The following ZNF483 variants were observed in gnomAD, a reference collection of about 807,000 sequenced individuals.
The protein encoded by ZNF483 is zinc finger protein HIT-10.
ZNF483 carries 9 observed loss-of-function variants against 28.6 expected under a neutral mutation model. The observed-to-expected ratio is 0.32, with a 90% CI of 0.19 to 0.55. The LOEUF (loss-of-function observed/expected upper bound fraction) is 0.55, where lower values mean the gene tolerates loss of function less well. Among genes scored for constraint, ZNF483 ranks in the 20% least tolerant of loss-of-function variants. The pLI, the probability that ZNF483 is intolerant of heterozygous loss-of-function variation, is 0.93. For missense variants in ZNF483, 675 were observed against 871.7 expected (o/e 0.77, Z 2.84); for synonymous variants, 322 against 306.2 (o/e 1.05, Z -0.54).
rs1263521515 is a variant in ZNF483 at position 111,541,799 on chromosome 9, C to G, written c.864C>G (p.Asn288Lys). 3 of 1,613,966 alleles carry G rather than the reference C, an allele frequency of 1.9e-6. No individual in the cohort carries two copies. Among genetic ancestry groups the G allele is most frequent in the African/African-American group, 1.3e-5 (1 of 74,894 alleles). Residue 288 changes from asparagine to lysine, a missense_variant, in exon 6 of 6, where the codon AAC becomes AAG. Coordinates refer to ENST00000309235, the MANE Select transcript of ZNF483 (RefSeq NM_133464.5). The part of the protein sequence containing the change: ...QGNSKGRVAQ[N>K]KTLGSGSRGK... ...ATTCAAAAGGAAGAGTCGCACAAAA[C>G]AAAACTCTTGGGAGTGGCAGTAGGG...
intron 5 of ZNF483, chr9:111,570,323 C>T: frequency 6.9e-7 from 1 of 1,444,208 alleles, no homozygotes; most frequent in East Asian, 2.5e-5. Flanking sequence ...TGGTGCTTCT[C>T]CCCTTCCATT....
At chr9:111,572,756 CAAA>C (rs58101079) in intron 5 of ZNF483, among the ~76,000 whole-genome samples, 1 of 63,508 alleles carries the variant, frequency 1.6e-5, no homozygotes, top group Non-Finnish European at 2.8e-5. Context: ...GACCCTGTCT[CAAA>C]AAAAAAAAAA....
intron 4 of ZNF483, 143 bp from the exon 5 acceptor site, chr9:111,534,118 T>G (rs1372834669): frequency 2.5e-6 from 2 of 798,588 alleles, no homozygotes; most frequent in Non-Finnish European, 4.0e-6. Context: ...TTTCCCATTT[T>G]TGTCTCAAGT....
At position 111,544,167 on chromosome 9, in the gene ZNF483, G is replaced by A; in HGVS notation, c.*997G>A. 1.0e-6 allele frequency: 1 copy of A among 985,438 alleles called. No individual in the cohort carries two copies. Among genetic ancestry groups the A allele is most frequent in the Non-Finnish European group, 1.2e-6 (1 of 829,984 alleles). 61.0% of individuals were successfully genotyped at this position (985,438 alleles called of 1,614,324 possible). ...GAGTAACAGTCCTAGGAAAATAGAT[G>A]GGGGCTGGGGGTAAGGAAATGTGCT... On this transcript the variant is annotated 3_prime_UTR_variant, in exon 6 of 6. Transcript: ENST00000309235.
rs1347266601 is a variant in ZNF483, at chr9:111,551,429, A to G, written c.*8259A>G. On this transcript the variant is annotated 3_prime_UTR_variant, in exon 6 of 6. Coordinates refer to ENST00000309235, the MANE Select transcript of ZNF483 (RefSeq NM_133464.5). ...TTTTTTTTTTTTTTTTTTTTTTGAG[A>G]TGGAGTCTCACTCTGTTGCCCAGGC... 6.2e-5 allele frequency among the ~76,000 whole-genome samples: 6 copies of G among 96,102 alleles called. No homozygotes were observed. Among genetic ancestry groups the G allele is most frequent in the African/African-American group, 8.0e-5 (2 of 25,118 alleles). The allele number at this position is 96,102 out of a possible 152,430, so 63.0% of individuals were successfully genotyped here.
At chr9:111,576,482 C>T in exon 6 of ZNF483, 1 of 1,604,214 alleles carries the variant, frequency 6.2e-7, no homozygotes, top group Non-Finnish European at 8.5e-7. Context: ...CACTGCAGTG[C>T]AGTTCAAGAG....
intron 5 of ZNF483, among the ~76,000 whole-genome samples, chr9:111,567,250 C>T (rs1417260631): frequency 2.0e-5 from 3 of 152,224 alleles, no homozygotes; most frequent in African/African-American, 4.8e-5. Context: ...TGCAGTGGCA[C>T]GATCTTGACT....
intron 3 of ZNF483, 43 bp downstream of exon 3, chr9:111,531,006 A>G (rs779141578): frequency 4.0e-6 from 4 of 992,126 alleles, no homozygotes; most frequent in Admixed American, 2.0e-5. Flanking sequence ...TGAATACTTA[A>G]TTGAGCTCCT....
At chr9:111,528,519 A>G (rs1049606019) in intron 2 of ZNF483, among the ~76,000 whole-genome samples, 1 of 152,140 alleles carries the variant, frequency 6.6e-6, no homozygotes, top group African/African-American at 2.4e-5. Context: ...CTTTCAGGGA[A>G]TGTGGCTCGC....
At chr9:111,534,836 G>C (rs1316854485) in intron 5 of ZNF483, among the ~76,000 whole-genome samples, 3 of 145,432 alleles carry the variant, frequency 2.1e-5, no homozygotes, top group Non-Finnish European at 4.5e-5. Context: ...TGATTCTCCT[G>C]CCTCAGCCTC....
chr9:111,533,627 C>T (rs1279060447), intron 3 of ZNF483, 112 bp from the exon 4 acceptor site: 2 of 1,096,208 alleles, frequency 1.8e-6, no homozygotes, highest in African/African-American at 1.7e-5. Context: ...CCATGAAGCA[C>T]CACTGCACTC....
chr9:111,571,012 C>A (rs529909877), intron 5 of ZNF483, among the ~76,000 whole-genome samples: 1 of 134,202 alleles, frequency 7.5e-6, no homozygotes, highest in African/African-American at 2.5e-5. Context: ...GAAATACAGG[C>A]AGCTGCTAGA....
rs557762680 is a variant in ZNF483, at chr9:111,549,162, T to A, written c.*5992T>A. 3.9e-5 allele frequency among the ~76,000 whole-genome samples: 6 copies of A among 152,342 alleles called. No individual in the cohort carries two copies. The highest frequency in any genetic ancestry group is 1.9e-4 in the East Asian group (1 of 5,196). On this transcript the variant is annotated 3_prime_UTR_variant, in exon 6 of 6. Transcript: ENST00000309235. The stretch of plus-strand genomic sequence containing the variant: ...AGTCACTGGAGGTTCTCTGTGTGTG[T>A]GAGTGTATAAATAAAGATTTAATTT...
chr9:111,537,819 GTT>G (rs1170119185), intron 5 of ZNF483, among the ~76,000 whole-genome samples: 2 of 152,072 alleles, frequency 1.3e-5, no homozygotes, highest in Non-Finnish European at 2.9e-5. Flanking sequence ...TAGAGAGAGA[GTT>G]TTGTCATGTT....
chr9:111,563,947 T>C (rs1828430013), intron 5 of ZNF483: 1 of 155,024 alleles, frequency 6.5e-6, no homozygotes, highest in African/African-American at 2.4e-5. Flanking sequence ...GAAATATAAA[T>C]GGCAGGACAG....
intron 5 of ZNF483, among the ~76,000 whole-genome samples, chr9:111,560,706 G>A (rs1267972553): frequency 1.4e-5 from 2 of 147,824 alleles, no homozygotes; most frequent in Admixed American, 6.8e-5. Context: ...CACTTTGGGA[G>A]GCCGAGGTGG....
chr9:111,549,127 AGAGTCACT>A lies in ZNF483; in HGVS notation c.*5967_*5974del, dbSNP rs1827868178. On this transcript the variant is annotated 3_prime_UTR_variant, in exon 6 of 6. Transcript: ENST00000309235. Reference sequence around the variant, plus strand: ...TATTGCTTTATTATCAGTGCAATAGAGAGTCACTGAGTCACTGGAGGTTCTCTGTGTGT... The same window carrying A: ...TATTGCTTTATTATCAGTGCAATAGAGAGTCACTGGAGGTTCTCTGTGTGT... Among the ~76,000 whole-genome samples, 1 of 152,126 alleles carries A rather than the reference AGAGTCACT, an allele frequency of 6.6e-6. No homozygotes were observed. The highest frequency in any genetic ancestry group is 6.5e-5 in the Admixed American group (1 of 15,272).
intron 5 of ZNF483, among the ~76,000 whole-genome samples, chr9:111,535,636 C>T (rs771280956): frequency 9.3e-5 from 14 of 151,284 alleles, no homozygotes; most frequent in Non-Finnish European, 1.8e-4. Context: ...CTCTGCCTCC[C>T]AGGTTCAAGT....
At chr9:111,559,530 CTCA>C (rs943620696), downstream of ZNF483, among the ~76,000 whole-genome samples, 57 of 152,186 alleles carry the variant, frequency 3.7e-4, no homozygotes, top group African/African-American at 1.3e-3. Context: ...TCCAACTCCC[CTCA>C]TCAGGCCACA....
Sources: allele counts gnomAD v4.1 joint callset (sites outside exome capture counted in the v4.1 genomes callset), GRCh38; gene constraint gnomAD v4.1.1; transcripts MANE v1.5; gene names NCBI Gene and HGNC (gene_info 2026-07-23, HGNC 2026-07-21).